TAOK3: variants seen among roughly 807,000 people sequenced by gnomAD.
TAOK3 encodes TAO kinase 3.
Under a neutral mutation model 120.4 loss-of-function variants are expected in TAOK3, and 40 were observed. The observed-to-expected ratio is 0.33, with a 90% CI of 0.26 to 0.43. TAOK3 has a LOEUF of 0.43. Among genes scored for constraint, TAOK3 ranks in the 20% least tolerant of loss-of-function variants. The pLI is 1.00. For missense variants in TAOK3, 821 were observed against 1,112.1 expected (o/e 0.74, Z 3.72); for synonymous variants, 355 against 387.5 (o/e 0.92, Z 0.99).
chr12:118,354,596 T>C (rs1294373747), intron 1 of TAOK3, among the ~76,000 whole-genome samples: 1 of 151,814 alleles, frequency 6.6e-6, no homozygotes, highest in Non-Finnish European at 1.5e-5. Context: ...TCATCTTGAA[T>C]TGTAGCTCCC....
chr12:118,165,638 G>A (rs2035532120), intron 17 of TAOK3, among the ~76,000 whole-genome samples: 1 of 152,182 alleles, frequency 6.6e-6, no homozygotes, highest in Non-Finnish European at 1.5e-5. Flanking sequence ...TCCTCTATAA[G>A]TCTTATGTAT....
intron 19 of TAOK3, chr12:118,152,718 T>TCCC (rs1265110904): frequency 1.1e-5 from 3 of 279,708 alleles, no homozygotes; most frequent in African/African-American, 6.4e-5. Flanking sequence ...ACCATCCACT[T>TCCC]TGTGTGTGTC....
rs149134705 is a variant in TAOK3 at position 118,306,603 on chromosome 12, C to G, written c.-193-39844G>C. On this transcript the variant is annotated intron_variant, in intron 1 of 20. Transcript: ENST00000392533. ...AATCCATACATGTTTCCCTCAAGTTCTTGAGTCTAAAATTAACATAGATCT... is the reference window on the plus strand; with the variant it reads ...AATCCATACATGTTTCCCTCAAGTTGTTGAGTCTAAAATTAACATAGATCT... 3.2e-4 allele frequency among the ~76,000 whole-genome samples: 49 copies of G among 152,266 alleles called. No individual in the cohort carries two copies. The East Asian group carries it at 8.7e-3, about 27-fold the overall frequency.
chr12:118,226,842 T>A (rs1267729340), intron 9 of TAOK3, among the ~76,000 whole-genome samples: 1 of 152,162 alleles, frequency 6.6e-6, no homozygotes, highest in Non-Finnish European at 1.5e-5. Context: ...AAAGCACATA[T>A]AAGGGGCTGT....
intron 11 of TAOK3, among the ~76,000 whole-genome samples, chr12:118,201,929 C>T (rs1366626980): frequency 6.6e-6 from 1 of 152,050 alleles, no homozygotes; most frequent in Non-Finnish European, 1.5e-5. Flanking sequence ...TCCCACATAA[C>T]TAAAACTTTG....
intron 1 of TAOK3, among the ~76,000 whole-genome samples, chr12:118,344,850 C>A (rs1217612037): frequency 6.6e-6 from 1 of 151,796 alleles, no homozygotes; most frequent in Non-Finnish European, 1.5e-5. Context: ...AAGTATGGTG[C>A]CCCCTGTTAT....
intron 1 of TAOK3, among the ~76,000 whole-genome samples, chr12:118,279,956 G>A (rs2042038655): frequency 6.6e-6 from 1 of 151,448 alleles, no homozygotes; most frequent in Non-Finnish European, 1.5e-5. Context: ...TAGTAGAGAT[G>A]GGGTTTCACT....
chr12:118,321,702 A>G (rs1273361162), intron 1 of TAOK3, among the ~76,000 whole-genome samples: 1 of 152,236 alleles, frequency 6.6e-6, no homozygotes, highest in African/African-American at 2.4e-5. Flanking sequence ...TAATTTTTCT[A>G]CCATCACCTA....
At chr12:118,206,831 G>A (rs1243313362) in intron 11 of TAOK3, among the ~76,000 whole-genome samples, 1 of 151,774 alleles carries the variant, frequency 6.6e-6, no homozygotes, top group South Asian at 2.1e-4. Context: ...TCCTGACCTC[G>A]TGATCTGCCC....
At chr12:118,234,466 G>A (rs1464824808) in intron 8 of TAOK3, among the ~76,000 whole-genome samples, 2 of 151,912 alleles carry the variant, frequency 1.3e-5, no homozygotes, top group African/African-American at 4.8e-5. Context: ...GGATGGTCTC[G>A]ATCTCCTGAC....
chr12:118,205,703 C>A (rs2038265073), intron 11 of TAOK3, among the ~76,000 whole-genome samples: 1 of 152,144 alleles, frequency 6.6e-6, no homozygotes, highest in Admixed American at 6.6e-5. Flanking sequence ...CTCTGCCTCC[C>A]AGGTTCAAGT....
intron 11 of TAOK3, among the ~76,000 whole-genome samples, chr12:118,206,571 C>G (rs930433870): frequency 1.5e-4 from 23 of 152,012 alleles, no homozygotes; most frequent in Admixed American, 1.3e-3. Flanking sequence ...GTTCTCTCTG[C>G]CTGCAATCCC....
intron 1 of TAOK3, among the ~76,000 whole-genome samples, chr12:118,344,372 ATC>A (rs2044761207): frequency 6.6e-6 from 1 of 151,896 alleles, no homozygotes; most frequent in Non-Finnish European, 1.5e-5. Flanking sequence ...GCAGGTGTAA[ATC>A]TCTGTTAATA....
intron 9 of TAOK3, among the ~76,000 whole-genome samples, chr12:118,230,963 G>A (rs1171436840): frequency 1.3e-5 from 2 of 151,938 alleles, no homozygotes; most frequent in Non-Finnish European, 2.9e-5. Context: ...ATCAATACAA[G>A]ACCAGTTAAA....
At chr12:118,301,101 A>G (rs2042865636) in intron 1 of TAOK3, among the ~76,000 whole-genome samples, 1 of 152,156 alleles carries the variant, frequency 6.6e-6, no homozygotes, top group Non-Finnish European at 1.5e-5. Flanking sequence ...TACCTCCATC[A>G]TACAGCCAGA....
chr12:118,182,163 T>A (rs1454487252), intron 14 of TAOK3, among the ~76,000 whole-genome samples: 1 of 151,960 alleles, frequency 6.6e-6, no homozygotes, highest in Non-Finnish European at 1.5e-5. Context: ...CCAGCCTGGG[T>A]GACAGAGACT....
At chr12:118,331,443 G>A (rs2044142444) in intron 1 of TAOK3, among the ~76,000 whole-genome samples, 1 of 151,934 alleles carries the variant, frequency 6.6e-6, no homozygotes, top group African/African-American at 2.4e-5. Context: ...CCAGAAGTTC[G>A]AGACCAGCCT....
intron 1 of TAOK3, among the ~76,000 whole-genome samples, chr12:118,358,496 G>T (rs2045482247): frequency 6.6e-6 from 1 of 152,150 alleles, no homozygotes; most frequent in South Asian, 2.1e-4. Flanking sequence ...GCCACTTGGA[G>T]TAGCTTGATT....
chr12:118,239,967 G>A (rs2040176156), intron 5 of TAOK3, among the ~76,000 whole-genome samples: 1 of 152,084 alleles, frequency 6.6e-6, no homozygotes, highest in Non-Finnish European at 1.5e-5. Flanking sequence ...AGGAGTTCAA[G>A]ACCAGCCTAG....
Sources: gnomAD v4.1 joint callset for allele counts (sites outside exome capture counted in the v4.1 genomes callset) on GRCh38, gnomAD v4.1.1 for gene constraint, MANE v1.5 for transcripts, NCBI Gene and HGNC (gene_info 2026-07-23, HGNC 2026-07-21) for gene names.